Variants in PRLR observed in about 807,000 individuals in gnomAD.
PRLR encodes the protein hPRL receptor.
PRLR carries 13 observed loss-of-function variants against 40.2 expected under a neutral mutation model. The ratio of observed to expected loss-of-function variants is 0.32; its 90% confidence interval spans 0.21 to 0.51. The LOEUF (loss-of-function observed/expected upper bound fraction) is 0.51, where lower values mean the gene tolerates loss of function less well. Ranked by LOEUF, PRLR falls within the 20% of genes least tolerant of loss-of-function variation. The probability of loss-of-function intolerance (pLI) is 0.97; values close to 1 mark genes in which losing one functional copy is unlikely to be tolerated. For missense variants in PRLR, 656 were observed against 747.3 expected (o/e 0.88, Z 1.42); for synonymous variants, 269 against 278.7 (o/e 0.97, Z 0.35).
intron 1 of PRLR, among the ~76,000 whole-genome samples, chr5:35,191,052 T>C (rs865877838): frequency 0.13 from 476 of 3,660 alleles, 3 homozygotes; most frequent in African/African-American, 0.27. Context: ...TATTTTCTTT[T>C]TTTTTTTTTT....
At chr5:35,185,186 G>A (rs961885802) in intron 1 of PRLR, among the ~76,000 whole-genome samples, 1 of 152,118 alleles carries the variant, frequency 6.6e-6, no homozygotes, top group African/African-American at 2.4e-5. Context: ...ACACTGAGAA[G>A]GACCAATTTC....
intron 2 of PRLR, among the ~76,000 whole-genome samples, chr5:35,107,721 G>A (rs551333384): frequency 2.0e-4 from 31 of 152,206 alleles, no homozygotes; most frequent in African/African-American, 6.3e-4. Flanking sequence ...CTCTGAAATC[G>A]AGGCAATAAT....
At chr5:35,126,764 C>G (rs893884332) in intron 1 of PRLR, among the ~76,000 whole-genome samples, 9 of 152,156 alleles carry the variant, frequency 5.9e-5, no homozygotes, top group Admixed American at 5.2e-4. Flanking sequence ...TAGGAAATAG[C>G]AAGTAATTAA....
intron 1 of PRLR, among the ~76,000 whole-genome samples, chr5:35,147,673 C>T (rs1774218744): frequency 6.6e-6 from 1 of 152,084 alleles, no homozygotes; most frequent in Non-Finnish European, 1.5e-5. Flanking sequence ...AAAACAACCA[C>T]AGTTTAAAAG....
intron 2 of PRLR, among the ~76,000 whole-genome samples, chr5:35,096,456 A>G (rs1771539924): frequency 6.6e-6 from 1 of 152,190 alleles, no homozygotes; most frequent in Non-Finnish European, 1.5e-5. Flanking sequence ...TTTTCAGAGG[A>G]ACTAGTCCCT....
rs150045878 is a variant in PRLR at position 35,060,460 on chromosome 5, T to A, written c.*4629A>T. The A allele has an allele frequency of 1.4e-3, 220 of 152,352 alleles. No homozygotes were observed. Among genetic ancestry groups the A allele is most frequent in the African/African-American group, 5.0e-3 (208 of 41,570 alleles). 9.4% of individuals were successfully genotyped at this position (152,352 alleles called of 1,614,324 possible). A position where few individuals can be genotyped will look rare whatever the true frequency, so the allele number is the denominator to read the frequency against. On this transcript the variant is annotated 3_prime_UTR_variant, in exon 10 of 10. Coordinates refer to ENST00000618457, the MANE Select transcript of PRLR (RefSeq NM_000949.7). ...CCAAGGGTGTGTCAGCAAGGCTTTC[T>A]TGCACTGCACCAGGGACACTGACCT... is the stretch of plus-strand genomic sequence containing the variant.
intron 1 of PRLR, among the ~76,000 whole-genome samples, chr5:35,163,106 C>T (rs911320498): frequency 6.6e-6 from 1 of 152,074 alleles, no homozygotes; most frequent in Non-Finnish European, 1.5e-5. Context: ...GAGTCTGGCC[C>T]CTCCTCTTCC....
intron 1 of PRLR, among the ~76,000 whole-genome samples, chr5:35,162,772 C>A (rs16872474): frequency 6.6e-6 from 1 of 152,216 alleles, no homozygotes; most frequent in African/African-American, 2.4e-5. Flanking sequence ...CTCCACATGC[C>A]TCGTCCCTGT....
rs566141819 is a variant in PRLR at position 35,203,324 on chromosome 5, T to C, written c.-106+26944A>G. Among the ~76,000 whole-genome samples, 10 of 152,342 alleles carry C rather than the reference T, an allele frequency of 6.6e-5. No homozygotes were observed. In the South Asian group the frequency reaches 2.1e-3, roughly 32 times the overall value. On this transcript the variant is annotated intron_variant, in intron 1 of 9. Transcript: ENST00000618457. ...CCTTTAGGTACCTTTAAATATCTGG[T>C]TATGCCAAGGGTGATAGTGGCTACA...
At chr5:35,168,630 A>T (rs1353747117) in intron 1 of PRLR, among the ~76,000 whole-genome samples, 1 of 152,152 alleles carries the variant, frequency 6.6e-6, no homozygotes, top group Non-Finnish European at 1.5e-5. Context: ...TCACAACAGA[A>T]ATTTAAAAAT....
chr5:35,147,472 A>G (rs10434586), intron 1 of PRLR, among the ~76,000 whole-genome samples: 120,436 of 152,102 alleles, frequency 0.79, 50,359 homozygotes, highest in Non-Finnish European at 0.92. Context: ...TTTCACTCAA[A>G]GTAGGAGTTG....
intron 1 of PRLR, among the ~76,000 whole-genome samples, chr5:35,214,903 C>A (rs1776249651): frequency 6.6e-6 from 1 of 152,198 alleles, no homozygotes; most frequent in African/African-American, 2.4e-5. Context: ...TTTATAGAAA[C>A]AAGGTCAATC....
chr5:35,171,539 C>G (rs1023930852), intron 1 of PRLR, among the ~76,000 whole-genome samples: 1 of 152,134 alleles, frequency 6.6e-6, no homozygotes, highest in Non-Finnish European at 1.5e-5. Context: ...AACAGATGTA[C>G]CTGGCTGTGC....
rs1367288320 is a variant in PRLR at position 35,065,302 on chromosome 5, G to T, written c.1656C>A (p.Val552=). Residue 552 remains valine, a synonymous_variant, in exon 10 of 10, where the codon GTC becomes GTA. Coordinates refer to ENST00000618457, the MANE Select transcript of PRLR (RefSeq NM_000949.7). The part of the protein sequence containing the change: ...NNKEYAKVSG[V]MDNNILVLVP... ...CCAACACCAGGATGTTGTTATCCAT[G>T]ACCCCGGACACCTTGGCATACTCCT... The T allele has an allele frequency of 6.2e-7, 1 of 1,614,038 alleles. No individual in the cohort carries two copies. The highest frequency in any genetic ancestry group is 8.5e-7 in the Non-Finnish European group (1 of 1,180,028).
At chr5:35,163,347 GACA>G (rs1774731011) in intron 1 of PRLR, among the ~76,000 whole-genome samples, 1 of 152,166 alleles carries the variant, frequency 6.6e-6, no homozygotes, top group African/African-American at 2.4e-5. Context: ...TGCACTAGCA[GACA>G]ACGAGTCCCT....
At chr5:35,173,910 G>A (rs1229238532) in intron 1 of PRLR, among the ~76,000 whole-genome samples, 1 of 151,834 alleles carries the variant, frequency 6.6e-6, no homozygotes, top group Non-Finnish European at 1.5e-5. Flanking sequence ...GTATGAATGT[G>A]CCATGTTGGT....
chr5:35,139,636 G>T (rs967274567), intron 1 of PRLR, among the ~76,000 whole-genome samples: 1 of 152,028 alleles, frequency 6.6e-6, no homozygotes, highest in Non-Finnish European at 1.5e-5. Flanking sequence ...CAAACTAAAA[G>T]GTTAAAGATA....
chr5:35,081,404 T>C, intron 5 of PRLR: 1 of 205,110 alleles, frequency 4.9e-6, no homozygotes, highest in Non-Finnish European at 1.0e-5. Flanking sequence ...GCCTTCCATG[T>C]CCCCACCATC....
intron 5 of PRLR, among the ~76,000 whole-genome samples, chr5:35,077,669 T>C (rs1579590670): frequency 6.6e-6 from 1 of 152,032 alleles, no homozygotes; most frequent in Non-Finnish European, 1.5e-5. Flanking sequence ...AACAAGGATA[T>C]CCAGGACTTG....
Sources: allele counts gnomAD v4.1 joint callset (sites outside exome capture counted in the v4.1 genomes callset), GRCh38; gene constraint gnomAD v4.1.1; transcripts MANE v1.5; gene names NCBI Gene and HGNC (gene_info 2026-07-23, HGNC 2026-07-21).